GSE1: variants seen among roughly 807,000 people sequenced by gnomAD.
The protein encoded by GSE1 is Gse1 coiled-coil protein, also known as genetic suppressor element 1.
In GSE1, 32 loss-of-function variants were observed where a neutral mutation model predicts 112.6. That is an observed-to-expected ratio of 0.28 (90% CI 0.21 to 0.38). The LOEUF (loss-of-function observed/expected upper bound fraction) is 0.38, where lower values mean the gene tolerates loss of function less well. Ranked by LOEUF, GSE1 falls within the 10% of genes least tolerant of loss-of-function variation. The pLI is 1.00. For missense variants in GSE1, 2,348 were observed against 1,699.2 expected, an observed-to-expected ratio of 1.38 and a Z score of -6.71; for synonymous variants, 1,115 against 735.6, an observed-to-expected ratio of 1.52 and a Z score of -8.35.
chr16:85,172,323 C>T (rs1252464197), intron 1 of GSE1, among the ~76,000 whole-genome samples: 1 of 152,196 alleles, frequency 6.6e-6, no homozygotes, highest in Non-Finnish European at 1.5e-5. Flanking sequence ...TGAGACCGTG[C>T]TTGCTTTACG....
intron 2 of GSE1, among the ~76,000 whole-genome samples, chr16:85,503,186 C>T (rs950964266): frequency 7.2e-5 from 11 of 152,228 alleles, no homozygotes; most frequent in African/African-American, 1.7e-4. Context: ...GAGCCACTGA[C>T]GGGATTAAGT....
chr16:85,314,892 G>T (rs2045955497), intron 1 of GSE1, among the ~76,000 whole-genome samples: 1 of 152,212 alleles, frequency 6.6e-6, no homozygotes, highest in Non-Finnish European at 1.5e-5. Context: ...TCTGGGCCGT[G>T]TGTTGATCAA....
At chr16:85,668,029 G>A in intron 13 of GSE1, 111 bp from the exon 14 acceptor site, 1 of 794,646 alleles carries the variant, frequency 1.3e-6, no homozygotes, top group Non-Finnish European at 2.0e-6. Context: ...GGTCCCCGGA[G>A]CCCTGCAGTC....
At chr16:85,596,887 T>C (rs547805915) in intron 1 of GSE1, among the ~76,000 whole-genome samples, 5 of 152,216 alleles carry the variant, frequency 3.3e-5, no homozygotes, top group African/African-American at 1.2e-4. Flanking sequence ...AATACAAAAA[T>C]TATCTGGGCG....
At chr16:85,294,616 A>ACTCTCTCTCTCTCTCT (rs756560732) in intron 1 of GSE1, among the ~76,000 whole-genome samples, 11 of 76,652 alleles carry the variant, frequency 1.4e-4, no homozygotes, top group African/African-American at 6.2e-4. Flanking sequence ...CACGCCTCTC[A>ACTCTCTCTCTCTCTCT]CTCTCTCTCT....
chr16:85,193,626 A>G (rs1178967527), intron 1 of GSE1, among the ~76,000 whole-genome samples: 1 of 151,908 alleles, frequency 6.6e-6, no homozygotes, highest in East Asian at 1.9e-4. Context: ...TGCCTGACTA[A>G]TTTTTGTATT....
chr16:85,292,146 T>G (rs2045235612), intron 1 of GSE1, among the ~76,000 whole-genome samples: 1 of 151,276 alleles, frequency 6.6e-6, no homozygotes, highest in Non-Finnish European at 1.5e-5. Context: ...ATGAACCTTT[T>G]TTTTTTTTTT....
chr16:85,477,273 G>T (rs1268459352), intron 2 of GSE1, among the ~76,000 whole-genome samples: 1 of 152,340 alleles, frequency 6.6e-6, no homozygotes, highest in East Asian at 1.9e-4. Flanking sequence ...TCCACAGCCT[G>T]TCCCGGGTGC....
intron 1 of GSE1, among the ~76,000 whole-genome samples, chr16:85,352,849 C>G (rs1024923677): frequency 3.9e-5 from 6 of 152,194 alleles, no homozygotes; most frequent in Admixed American, 3.9e-4. Flanking sequence ...TCACTCCCAA[C>G]AAGAGTCATG....
intron 1 of GSE1, among the ~76,000 whole-genome samples, chr16:85,260,706 C>T (rs954282273): frequency 1.3e-5 from 2 of 152,210 alleles, no homozygotes; most frequent in African/African-American, 2.4e-5. Flanking sequence ...CCCTTTCTGG[C>T]CCCCCGTGCT....
At chr16:85,556,188 C>T (rs920537703) in exon 1 of GSE1, 1 of 982,708 alleles carries the variant, frequency 1.0e-6, no homozygotes, top group Non-Finnish European at 1.2e-6. Context: ...CTCTCGGGAT[C>T]GCTCTTCTGC....
intron 1 of GSE1, among the ~76,000 whole-genome samples, chr16:85,181,342 C>A (rs967199237): frequency 3.9e-5 from 6 of 152,142 alleles, no homozygotes; most frequent in Non-Finnish European, 8.8e-5. Flanking sequence ...TAAGAGAGTT[C>A]GGGGTGGAGG....
chr16:85,442,336 A>G (rs2049395555), intron 2 of GSE1, among the ~76,000 whole-genome samples: 1 of 152,122 alleles, frequency 6.6e-6, no homozygotes, highest in South Asian at 2.1e-4. Context: ...GCCCCATCTC[A>G]GCATCAGCCC....
Position 85,579,111 on chromosome 16 carries a change from C to G in GSE1, c.37+22748C>G, listed in dbSNP as rs188914037. On this transcript the variant is annotated intron_variant, in intron 1 of 2. Transcript: ENST00000635906. Reference sequence around the variant, plus strand: ...GCCTAAATAGTCTAAAAAGAGAGAACTTGGGAGAAGTGGGGTGACCTTGGT... The same window carrying G: ...GCCTAAATAGTCTAAAAAGAGAGAAGTTGGGAGAAGTGGGGTGACCTTGGT... Among the ~76,000 whole-genome samples, 297 of 152,262 alleles carry G rather than the reference C, an allele frequency of 2.0e-3. 3 individuals are homozygous for G. Among genetic ancestry groups the G allele is most frequent in the African/African-American group, 6.7e-3 (278 of 41,524 alleles).
intron 2 of GSE1, among the ~76,000 whole-genome samples, chr16:85,466,229 A>G (rs2050116747): frequency 6.6e-6 from 1 of 152,242 alleles, no homozygotes. Context: ...CTGCTCTGCC[A>G]GGGCCCAGGC....
intron 1 of GSE1, among the ~76,000 whole-genome samples, chr16:85,596,219 A>G (rs2047220643): frequency 6.6e-6 from 1 of 152,060 alleles, no homozygotes; most frequent in African/African-American, 2.4e-5. Flanking sequence ...CTCTTCTCAC[A>G]TCAGCATGAT....
intron 1 of GSE1, among the ~76,000 whole-genome samples, chr16:85,625,735 G>C (rs908064303): frequency 6.6e-6 from 1 of 152,182 alleles, no homozygotes; most frequent in African/African-American, 2.4e-5. Context: ...CGTGGGGCTC[G>C]GGCAGAATAT....
chr16:85,563,628 G>A lies in GSE1; in HGVS notation c.37+7265G>A, dbSNP rs142084213. On this transcript the variant is annotated intron_variant, in intron 1 of 2. Coordinates refer to the GSE1 transcript ENST00000635906. Reference sequence around the variant, plus strand: ...CGGAAGCCCAGGCCCTGAAGGATCCGGGCAGCTCCATCCTCTGCTCCCTCC... The same window carrying A: ...CGGAAGCCCAGGCCCTGAAGGATCCAGGCAGCTCCATCCTCTGCTCCCTCC... Among the ~76,000 whole-genome samples, 643 of 152,314 alleles carry A rather than the reference G, an allele frequency of 4.2e-3. 5 individuals are homozygous for A. Among genetic ancestry groups the A allele is most frequent in the Non-Finnish European group, 7.9e-3 (538 of 68,012 alleles).
At chr16:85,672,011 CTTT>C (rs1362884337) in intron 15 of GSE1, 1 of 209,778 alleles carries the variant, frequency 4.8e-6, no homozygotes, top group East Asian at 1.4e-4. Context: ...CTTTGTTTCT[CTTT>C]TTGAGGCGAA....
Sources: allele counts gnomAD v4.1 joint callset (sites outside exome capture counted in the v4.1 genomes callset), GRCh38; gene constraint gnomAD v4.1.1; transcripts MANE v1.5; gene names NCBI Gene and HGNC (gene_info 2026-07-23, HGNC 2026-07-21).